Variants in TNFRSF10B observed in about 807,000 individuals in gnomAD.
The protein encoded by TNFRSF10B is tumor necrosis factor receptor superfamily member 10B.
A neutral mutation model predicts 41.4 loss-of-function variants in TNFRSF10B; 35 were observed. That is an observed-to-expected ratio of 0.85 (90% CI 0.65 to 1.12). The LOEUF (loss-of-function observed/expected upper bound fraction) is 1.12, where lower values mean the gene tolerates loss of function less well. TNFRSF10B is among the 50% of genes most tolerant of loss of function. TNFRSF10B has a pLI of 0.00. For missense variants in TNFRSF10B, 584 were observed against 552.7 expected (o/e 1.06, Z -0.57); for synonymous variants, 230 against 215.5 (o/e 1.07, Z -0.59).
At chr8:23,032,113 G>C (rs1041532282) in intron 2 of TNFRSF10B, among the ~76,000 whole-genome samples, 1 of 151,948 alleles carries the variant, frequency 6.6e-6, no homozygotes, top group Non-Finnish European at 1.5e-5. Context: ...CACCATCTTG[G>C]CCAGGCTGTT....
rs1311918477 is a variant in TNFRSF10B at position 23,024,195 on chromosome 8, G to A, written c.1002C>T (p.Pro334=). Residue 334 remains proline (P), a synonymous_variant, in exon 8 of 9, where the codon CCC becomes CCT. Transcript: ENST00000276431. ...CAGGAGCAAAACACTTACTCTCAGT[G>A]GGATCACCTTCATTTGCTGGAACCA... is the stretch of plus-strand genomic sequence containing the variant. The part of the protein sequence containing the change: ...RLLVPANEGD[P]TETLRQCFDD... 1 of 1,613,958 alleles carries A rather than the reference G, an allele frequency of 6.2e-7. No individual in the cohort carries two copies. Among genetic ancestry groups the A allele is most frequent in the East Asian group, 2.2e-5 (1 of 44,886 alleles).
chr8:23,021,085 AC>A lies in TNFRSF10B; in HGVS notation c.*1585del, dbSNP rs1190535898. ...CACACAATGCCTTGAGACAGAAAAGACCAAAAACTCCTGGAATGACTACCTG... is the reference window on the plus strand; with the variant it reads ...CACACAATGCCTTGAGACAGAAAAGACAAAAACTCCTGGAATGACTACCTG... On this transcript the variant is annotated 3_prime_UTR_variant, in exon 9 of 9. Transcript: ENST00000276431. The A allele has an allele frequency of 2.2e-6, 1 of 453,990 alleles. No individual in the cohort carries two copies. The highest frequency in any genetic ancestry group is 2.0e-5 in the African/African-American group (1 of 50,004). 28.1% of individuals were successfully genotyped at this position (453,990 alleles called of 1,614,324 possible).
intron 2 of TNFRSF10B, among the ~76,000 whole-genome samples, chr8:23,041,161 C>T (rs1316010187): frequency 2.0e-5 from 3 of 151,354 alleles, no homozygotes; most frequent in African/African-American, 4.9e-5. Flanking sequence ...CGGGTTCAAG[C>T]GATTCTCCTG....
At chr8:23,033,760 C>T (rs1379416712) in intron 2 of TNFRSF10B, among the ~76,000 whole-genome samples, 1 of 152,138 alleles carries the variant, frequency 6.6e-6, no homozygotes, top group African/African-American at 2.4e-5. Flanking sequence ...TGGCCACCAT[C>T]TTGCTGTGCA....
intron 2 of TNFRSF10B, among the ~76,000 whole-genome samples, chr8:23,040,803 G>T (rs1812173229): frequency 6.6e-6 from 1 of 151,936 alleles, no homozygotes; most frequent in African/African-American, 2.4e-5. Flanking sequence ...AATATTGAAA[G>T]ACATTCTAAA....
At chr8:23,049,152 G>T (rs1812448777) in intron 1 of TNFRSF10B, among the ~76,000 whole-genome samples, 1 of 152,148 alleles carries the variant, frequency 6.6e-6, no homozygotes, top group South Asian at 2.1e-4. Context: ...ACAGTATCGT[G>T]GCAGGCCAGG....
At chr8:23,063,005 A>T (rs1229182259) in intron 1 of TNFRSF10B, among the ~76,000 whole-genome samples, 1 of 152,196 alleles carries the variant, frequency 6.6e-6, no homozygotes, top group Non-Finnish European at 1.5e-5. Flanking sequence ...ATCATTCTTT[A>T]TATGTGCATT....
Position 23,021,357 on chromosome 8 carries a change from C to T in TNFRSF10B, c.*1314G>A. 2.2e-6 allele frequency: 1 copy of T among 454,130 alleles called. No individual in the cohort carries two copies. Among genetic ancestry groups the T allele is most frequent in the Non-Finnish European group, 4.4e-6 (1 of 226,792 alleles). The allele number at this position is 454,130 out of a possible 1,614,324, so 28.1% of individuals were successfully genotyped here. A position where few individuals can be genotyped will look rare whatever the true frequency, so the allele number is the denominator to read the frequency against. ...TGTACCCTAAAAGGCAGCTCATGGG[C>T]TCAGGGTGACAGATAACCAGAAGTG... is the stretch of plus-strand genomic sequence containing the variant. On this transcript the variant is annotated 3_prime_UTR_variant, in exon 9 of 9. Coordinates refer to ENST00000276431, the MANE Select transcript of TNFRSF10B (RefSeq NM_003842.5).
chr8:23,066,457 C>T (rs1393939976), intron 1 of TNFRSF10B, among the ~76,000 whole-genome samples: 1 of 151,928 alleles, frequency 6.6e-6, no homozygotes, highest in Non-Finnish European at 1.5e-5. Flanking sequence ...AGGGAAATGT[C>T]CAAAGTGAAA....
intron 1 of TNFRSF10B, among the ~76,000 whole-genome samples, chr8:23,057,833 AC>A (rs1157099901): frequency 6.6e-6 from 1 of 152,190 alleles, no homozygotes; most frequent in Admixed American, 6.5e-5. Context: ...AATATTCTTT[AC>A]CTTAAAATCC....
At chr8:23,054,789 T>C (rs1812613926) in intron 1 of TNFRSF10B, among the ~76,000 whole-genome samples, 6 of 152,172 alleles carry the variant, frequency 3.9e-5, no homozygotes. Context: ...TATAAATCCA[T>C]GGTTGGGCTC....
At position 23,021,458 on chromosome 8, in the gene TNFRSF10B, C is replaced by T. The variant is rs1168643320; in HGVS notation, c.*1213G>A. ...CACCATCTACTCTTCCCCCTTGATGCCATGGCAGACGTGGGAGACAGATTT... is the reference window on the plus strand; with the variant it reads ...CACCATCTACTCTTCCCCCTTGATGTCATGGCAGACGTGGGAGACAGATTT... On this transcript the variant is annotated 3_prime_UTR_variant, in exon 9 of 9. Transcript: ENST00000276431. 4.4e-6 allele frequency: 2 copies of T among 454,130 alleles called. No homozygotes were observed. Among genetic ancestry groups the T allele is most frequent in the Non-Finnish European group, 8.8e-6 (2 of 226,788 alleles). The allele number at this position is 454,130 out of a possible 1,614,324, so 28.1% of individuals were successfully genotyped here. A position where few individuals can be genotyped will look rare whatever the true frequency, so the allele number is the denominator to read the frequency against.
chr8:23,036,351 A>C (rs1253235124), intron 2 of TNFRSF10B, among the ~76,000 whole-genome samples: 1 of 152,214 alleles, frequency 6.6e-6, no homozygotes, highest in Non-Finnish European at 1.5e-5. Flanking sequence ...GAAGTGGCCC[A>C]AGTGCCCATG....
At chr8:23,050,094 C>CA (rs1207679040) in intron 1 of TNFRSF10B, among the ~76,000 whole-genome samples, 1 of 152,216 alleles carries the variant, frequency 6.6e-6, no homozygotes, top group East Asian at 1.9e-4. Context: ...AAGGGTGAGT[C>CA]AATGGGATCT....
rs115130516 is a variant in TNFRSF10B, at chr8:23,042,086, C to T, written c.250+1052G>A. Among the ~76,000 whole-genome samples the T allele has an allele frequency of 7.7e-3, 1,176 of 152,334 alleles. 18 individuals are homozygous for T. The highest frequency in any genetic ancestry group is 0.026 in the African/African-American group (1,094 of 41,566). ...GCCTCGATTGTCCTCATTCCCCACACGTCATCCATCCACACCCCAAATATG... is the reference window on the plus strand; with the variant it reads ...GCCTCGATTGTCCTCATTCCCCACATGTCATCCATCCACACCCCAAATATG... On this transcript the variant is annotated intron_variant, in intron 2 of 8. Coordinates refer to ENST00000276431, the MANE Select transcript of TNFRSF10B (RefSeq NM_003842.5).
At chr8:23,034,938 G>A (rs1177880469) in intron 2 of TNFRSF10B, among the ~76,000 whole-genome samples, 1 of 152,152 alleles carries the variant, frequency 6.6e-6, no homozygotes, top group East Asian at 1.9e-4. Flanking sequence ...TCCCAGATAT[G>A]GTTTCATTGT....
At chr8:23,059,435 T>G (rs1160151656) in intron 1 of TNFRSF10B, among the ~76,000 whole-genome samples, 1 of 152,224 alleles carries the variant, frequency 6.6e-6, no homozygotes, top group Non-Finnish European at 1.5e-5. Flanking sequence ...GGCTGCACCA[T>G]TTTACATTCC....
chr8:23,027,958 G>A lies in TNFRSF10B; in HGVS notation c.749-205C>T, dbSNP rs1563307096. 2.2e-5 allele frequency: 14 copies of A among 640,054 alleles called. No homozygotes were observed. In the East Asian group the frequency reaches 3.0e-4, roughly 14 times the overall value. 39.6% of individuals were successfully genotyped at this position (640,054 alleles called of 1,614,324 possible). On this transcript the variant is annotated intron_variant, in intron 5 of 8. Coordinates refer to ENST00000276431, the MANE Select transcript of TNFRSF10B (RefSeq NM_003842.5). ...GGAACTAGAGTAAAAACAAACACTT[G>A]GAAAATCTCTGGTTCTGCTCTGACC...
chr8:23,024,262 T>C lies in TNFRSF10B; in HGVS notation c.937-2A>G. 1.2e-6 allele frequency: 2 copies of C among 1,613,986 alleles called. No homozygotes were observed. Among genetic ancestry groups the C allele is most frequent in the South Asian group, 2.2e-5 (2 of 91,084 alleles). ...AGACCTTTCAGCTTCTGCCGGTTCC[T>C]GTAACACATAGTGGGGAATGTCCTG... On this transcript the variant is annotated splice_acceptor_variant, in intron 7 of 8. Coordinates refer to ENST00000276431, the MANE Select transcript of TNFRSF10B (RefSeq NM_003842.5). LOFTEE classifies it high-confidence loss of function.
Sources: gnomAD v4.1 joint callset for allele counts (sites outside exome capture counted in the v4.1 genomes callset) on GRCh38, gnomAD v4.1.1 for gene constraint, MANE v1.5 for transcripts, NCBI Gene and HGNC (gene_info 2026-07-23, HGNC 2026-07-21) for gene names.